Variants in DLGAP2 observed in about 807,000 individuals in gnomAD.
DLGAP2 encodes disks large-associated protein 2.
In DLGAP2, 26 loss-of-function variants were observed where a neutral mutation model predicts 100.3. That is an observed-to-expected ratio of 0.26 (90% CI 0.19 to 0.36). DLGAP2 has a LOEUF of 0.36. Ranked by LOEUF, DLGAP2 falls within the 10% of genes least tolerant of loss-of-function variation. DLGAP2 has a pLI of 1.00. For missense variants in DLGAP2, 1,858 were observed against 1,453.2 expected, an observed-to-expected ratio of 1.28 and a Z score of -4.53; for synonymous variants, 886 against 630.1, an observed-to-expected ratio of 1.41 and a Z score of -6.08.
chr8:953,458 C>A (rs1041228083), intron 2 of DLGAP2, among the ~76,000 whole-genome samples: 2 of 152,216 alleles, frequency 1.3e-5, no homozygotes. Flanking sequence ...TCCCAAAGTG[C>A]TGGGATTACA....
At chr8:1,457,916 A>G (rs1452638786) in intron 3 of DLGAP2, among the ~76,000 whole-genome samples, 2 of 147,770 alleles carry the variant, frequency 1.4e-5, no homozygotes, top group East Asian at 3.9e-4. Flanking sequence ...ATTCCTTTAA[A>G]CTATGATGCA....
chr8:836,079 A>C (rs549682978), intron 1 of DLGAP2, among the ~76,000 whole-genome samples: 1 of 152,340 alleles, frequency 6.6e-6, no homozygotes, highest in East Asian at 1.9e-4. Flanking sequence ...ACCCGCAGCC[A>C]TGGAGCACAG....
At chr8:1,058,162 T>A (rs994990802) in intron 2 of DLGAP2, among the ~76,000 whole-genome samples, 1 of 150,250 alleles carries the variant, frequency 6.7e-6, no homozygotes, top group Non-Finnish European at 1.5e-5. Flanking sequence ...TAGCGGCGGG[T>A]CTGGGGGCGC....
intron 7 of DLGAP2, 90 bp downstream of exon 7, chr8:1,626,977 T>C: frequency 6.8e-7 from 1 of 1,465,364 alleles, no homozygotes; most frequent in Non-Finnish European, 9.1e-7. Context: ...GCGATGGCGC[T>C]GCCCTCCTGG....
intron 6 of DLGAP2, 25 bp downstream of exon 6, chr8:1,565,919 A>T (rs200888342): frequency 1.3e-6 from 2 of 1,553,022 alleles, no homozygotes; most frequent in South Asian, 2.4e-5. Context: ...CTGCCTTCCC[A>T]CTCCAAGCAC....
At chr8:989,385 G>A (rs1010437021) in intron 2 of DLGAP2, among the ~76,000 whole-genome samples, 4 of 152,134 alleles carry the variant, frequency 2.6e-5, no homozygotes, top group Admixed American at 1.3e-4. Context: ...CATAGTAGAC[G>A]TCCAAACCTT....
chr8:963,871 A>C (rs1198847146), intron 2 of DLGAP2, among the ~76,000 whole-genome samples: 1 of 152,226 alleles, frequency 6.6e-6, no homozygotes, highest in Non-Finnish European at 1.5e-5. Context: ...ATTTTTGTGC[A>C]ATTAATACAA....
At chr8:1,599,817 C>A (rs1486113809) in intron 6 of DLGAP2, among the ~76,000 whole-genome samples, 1 of 152,138 alleles carries the variant, frequency 6.6e-6, no homozygotes, top group African/African-American at 2.4e-5. Context: ...TGGGCCTTGA[C>A]TGTATCCAAT....
chr8:753,028 T>A (rs992240680), intron 1 of DLGAP2, among the ~76,000 whole-genome samples: 2 of 152,214 alleles, frequency 1.3e-5, no homozygotes, highest in African/African-American at 4.8e-5. Flanking sequence ...GGGAACAGAT[T>A]ACAGCTCTGT....
chr8:848,205 C>A (rs1030749233), intron 1 of DLGAP2, among the ~76,000 whole-genome samples: 3 of 152,226 alleles, frequency 2.0e-5, no homozygotes, highest in African/African-American at 7.2e-5. Context: ...ATAGACTTAT[C>A]TATATTGCTA....
intron 2 of DLGAP2, among the ~76,000 whole-genome samples, chr8:954,924 T>G (rs1799562450): frequency 6.6e-6 from 1 of 152,154 alleles, no homozygotes; most frequent in African/African-American, 2.4e-5. Flanking sequence ...ATTTTAATGG[T>G]CTTTCCATTT....
chr8:982,003 A>G (rs904574375), intron 2 of DLGAP2, among the ~76,000 whole-genome samples: 1 of 152,212 alleles, frequency 6.6e-6, no homozygotes, highest in Admixed American at 6.5e-5. Context: ...ATCTCTGGGC[A>G]GTGCTGTCCT....
At chr8:1,024,270 ACCACCCACCC>A (rs1801721675) in intron 2 of DLGAP2, among the ~76,000 whole-genome samples, 1 of 33,450 alleles carries the variant, frequency 3.0e-5, no homozygotes. Context: ...CACCCCAGCC[ACCACCCACCC>A]TCCCTGGGGG....
intron 6 of DLGAP2, among the ~76,000 whole-genome samples, chr8:1,569,657 G>A (rs1171271393): frequency 7.2e-5 from 11 of 152,180 alleles, no homozygotes. Flanking sequence ...TGTAACTCAG[G>A]GAAGCTCTCA....
chr8:1,346,550 A>C (rs902596633), intron 3 of DLGAP2, among the ~76,000 whole-genome samples: 1 of 151,490 alleles, frequency 6.6e-6, no homozygotes, highest in African/African-American at 2.4e-5. Context: ...CATTGCACTC[A>C]TGGTAGCTGT....
At chr8:998,559 T>G (rs1163593986) in intron 2 of DLGAP2, among the ~76,000 whole-genome samples, 2 of 151,894 alleles carry the variant, frequency 1.3e-5, no homozygotes, top group Non-Finnish European at 2.9e-5. Flanking sequence ...CACCTCAGCC[T>G]CTCAAAGTGC....
intron 3 of DLGAP2, among the ~76,000 whole-genome samples, chr8:1,367,518 C>T (rs1022228035): frequency 4.6e-5 from 7 of 152,236 alleles, no homozygotes; most frequent in African/African-American, 1.7e-4. Context: ...AGTCCAGGCA[C>T]ACCCTGCTGG....
At chr8:788,614 C>G (rs1032274940) in intron 1 of DLGAP2, among the ~76,000 whole-genome samples, 7 of 152,346 alleles carry the variant, frequency 4.6e-5, no homozygotes, top group East Asian at 1.9e-4. Flanking sequence ...GGTGAAGTAT[C>G]TCAGCTTGGA....
In DLGAP2 at chr8:1,501,427, T is replaced by C. The variant is rs1425892844; in HGVS notation, c.168T>C (p.Asp56=). The change falls in exon 4 of 15, where the codon GAT becomes GAC. Residue 56 remains aspartate, a synonymous_variant. Coordinates refer to ENST00000637795, the MANE Select transcript of DLGAP2 (RefSeq NM_001346810.2). ...GISFPGPAEE[D]LDPQYSWSPT... ...GCTTTCCGGGGCCGGCAGAGGAGGA[T>C]CTAGGTAGAGTACAGACGTCAGCCC... 6 of 1,535,592 alleles carry C rather than the reference T, an allele frequency of 3.9e-6. No individual in the cohort carries two copies. The Admixed American group carries it at 5.9e-5, about 15-fold the overall frequency.
Sources: gnomAD v4.1 joint callset for allele counts (sites outside exome capture counted in the v4.1 genomes callset) on GRCh38, gnomAD v4.1.1 for gene constraint, MANE v1.5 for transcripts, NCBI Gene and HGNC (gene_info 2026-07-23, HGNC 2026-07-21) for gene names.